ERC1: variants seen among roughly 807,000 people sequenced by gnomAD.
The protein encoded by ERC1 is ELKS/RAB6-interacting/CAST family member 1, also known as RAB6 interacting protein 2.
In ERC1, 56 loss-of-function variants were observed where a neutral mutation model predicts 132.0. The ratio of observed to expected loss-of-function variants is 0.42; its 90% CI spans 0.34 to 0.53. The LOEUF (loss-of-function observed/expected upper bound fraction) is 0.53. Among genes scored for constraint, ERC1 ranks in the 20% least tolerant of loss-of-function variants. The probability of loss-of-function intolerance (pLI) is 0.03; values close to 1 mark genes in which losing one functional copy is unlikely to be tolerated. For synonymous variants in ERC1, 478 were observed against 476.1 expected (o/e 1.00, Z -0.05); for missense variants, 1,202 against 1,349.9 (o/e 0.89, Z 1.72).
intron 13 of ERC1, among the ~76,000 whole-genome samples, chr12:1,259,679 C>T (rs1369054661): frequency 9.9e-5 from 15 of 151,956 alleles, no homozygotes; most frequent in Non-Finnish European, 2.1e-4. Context: ...CCCGCCACAA[C>T]GCCCAGCTAA....
In ERC1 at chr12:992,540, T is replaced by C. The variant is rs146399893; in HGVS notation, c.-157+1218T>C. Among the ~76,000 whole-genome samples, 742 of 152,070 alleles carry C rather than the reference T, an allele frequency of 4.9e-3. 10 individuals are homozygous for C. Among genetic ancestry groups the C allele is most frequent in the African/African-American group, 0.017 (696 of 41,506 alleles). On this transcript the variant is annotated intron_variant, in intron 1 of 18. Transcript: ENST00000360905. ...ACACTTTAAAATGAAATGGAACTCT[T>C]TTTTTTTGGTAGGCTCCTCAATTTC...
intron 18 of ERC1, among the ~76,000 whole-genome samples, chr12:1,476,561 A>C (rs1461432894): frequency 6.6e-6 from 1 of 152,236 alleles, no homozygotes; most frequent in East Asian, 1.9e-4. Flanking sequence ...TTCACTACAG[A>C]TGGGAAGAAC....
chr12:1,024,863 T>C (rs1262725629), intron 1 of ERC1, among the ~76,000 whole-genome samples: 2 of 112,366 alleles, frequency 1.8e-5, no homozygotes, highest in Non-Finnish European at 3.7e-5. Flanking sequence ...AAAAAGAAAA[T>C]ACTTGGGAAA....
At chr12:1,387,286 A>G (rs956720395) in intron 16 of ERC1, among the ~76,000 whole-genome samples, 83 of 152,124 alleles carry the variant, frequency 5.5e-4, no homozygotes, top group African/African-American at 2.0e-3. Context: ...GTGGGTTAAG[A>G]TTTTTGGGGA....
chr12:1,464,875 A>T (rs2093714312), intron 18 of ERC1, among the ~76,000 whole-genome samples: 1 of 151,982 alleles, frequency 6.6e-6, no homozygotes. Flanking sequence ...TGGACTCTTT[A>T]AAAAAGAGTC....
chr12:1,392,958 T>C (rs1165208937), intron 16 of ERC1, among the ~76,000 whole-genome samples: 3 of 152,224 alleles, frequency 2.0e-5, no homozygotes, highest in Non-Finnish European at 2.9e-5. Flanking sequence ...CAGATACATA[T>C]ATACAGAGAA....
chr12:1,406,740 G>C (rs1414467682), intron 16 of ERC1, among the ~76,000 whole-genome samples: 1 of 152,062 alleles, frequency 6.6e-6, no homozygotes, highest in Non-Finnish European at 1.5e-5. Flanking sequence ...GGGTGTGGTG[G>C]TGCCTACCTA....
intron 1 of ERC1, among the ~76,000 whole-genome samples, chr12:1,011,202 CTTT>C (rs1017510865): frequency 1.6e-4 from 24 of 152,058 alleles, no homozygotes; most frequent in African/African-American, 5.8e-4. Context: ...AACATTTTTC[CTTT>C]TTTTGTTTTT....
Position 1,040,665 on chromosome 12 carries a change from C to T in ERC1, c.669+12093C>T, listed in dbSNP as rs180787665. 6.2e-3 allele frequency among the ~76,000 whole-genome samples: 950 copies of T among 152,170 alleles called. 2 individuals carry two copies. Among genetic ancestry groups the T allele is most frequent in the Middle Eastern group, 0.024 (7 of 292 alleles). On this transcript the variant is annotated intron_variant, in intron 2 of 18. Transcript: ENST00000360905. ...GTTAGTCTTTAACGTAGATCTTTTC[C>T]TTTGATTTTTCCATATATTAACAAT...
rs571416157 is a variant in ERC1 at position 1,193,448 on chromosome 12, A to G, written c.2351+3396A>G. On this transcript the variant is annotated intron_variant, in intron 12 of 18. Coordinates refer to ENST00000360905, the MANE Select transcript of ERC1 (RefSeq NM_178040.4). ...TAGTAGGATACACACACACACACAC[A>G]CACACACATAGAGATAGATAAATAC... Among the ~76,000 whole-genome samples the G allele has an allele frequency of 7.2e-5, 11 of 152,194 alleles. No homozygotes were observed. In the East Asian group the frequency reaches 2.1e-3, roughly 29 times the overall value.
chr12:1,364,014 A>C (rs961960053), intron 15 of ERC1, among the ~76,000 whole-genome samples: 2 of 152,206 alleles, frequency 1.3e-5, no homozygotes, highest in Admixed American at 6.5e-5. Context: ...CCCAGCGTGC[A>C]CTGTTGGAAC....
At chr12:1,352,035 C>T (rs1284681866) in intron 15 of ERC1, among the ~76,000 whole-genome samples, 1 of 152,124 alleles carries the variant, frequency 6.6e-6, no homozygotes, top group East Asian at 1.9e-4. Context: ...ATTAGGCCTC[C>T]AGCTTTAACC....
Position 1,491,455 on chromosome 12 carries a change from G to T in ERC1, c.*1225G>T, listed in dbSNP as rs2094318021. On this transcript the variant is annotated 3_prime_UTR_variant, in exon 19 of 19. Transcript: ENST00000360905. ...GTGCAAGTCATCCATCCTTGAAAAG[G>T]CCACTTCTCAGTGAGGGAGAGATGT... is the stretch of plus-strand genomic sequence containing the variant. 1.3e-5 allele frequency: 3 copies of T among 230,346 alleles called. No individual in the cohort carries two copies. Among genetic ancestry groups the T allele is most frequent in the Non-Finnish European group, 2.6e-5 (3 of 116,336 alleles). 14.3% of individuals were successfully genotyped at this position (230,346 alleles called of 1,614,324 possible). A position where few individuals can be genotyped will look rare whatever the true frequency, so the allele number is the denominator to read the frequency against.
At chr12:1,115,112 G>A (rs1462004262) in intron 6 of ERC1, among the ~76,000 whole-genome samples, 1 of 152,102 alleles carries the variant, frequency 6.6e-6, no homozygotes, top group East Asian at 1.9e-4. Context: ...TTCCTTGTTA[G>A]GTGGTAGACA....
At chr12:1,461,359 C>G (rs1330971770) in intron 18 of ERC1, among the ~76,000 whole-genome samples, 1 of 152,110 alleles carries the variant, frequency 6.6e-6, no homozygotes, top group Non-Finnish European at 1.5e-5. Flanking sequence ...ATAAAGCCAA[C>G]GTTTTTGGCT....
chr12:1,296,298 G>A (rs185014132), intron 15 of ERC1, among the ~76,000 whole-genome samples: 34 of 151,486 alleles, frequency 2.2e-4, no homozygotes, highest in Admixed American at 7.2e-4. Context: ...AGCATACTCC[G>A]GCCTGGGCAA....
At chr12:1,414,764 AG>A (rs1332753279) in intron 17 of ERC1, among the ~76,000 whole-genome samples, 3 of 151,998 alleles carry the variant, frequency 2.0e-5, no homozygotes, top group Non-Finnish European at 4.4e-5. Flanking sequence ...CCATGAGGAC[AG>A]GGACTTTAAT....
intron 12 of ERC1, among the ~76,000 whole-genome samples, chr12:1,225,449 T>TAC (rs67132193): frequency 0.077 from 10,081 of 131,530 alleles, 369 homozygotes; most frequent in Non-Finnish European, 0.093. Context: ...GGCTGTCTCT[T>TAC]ACACACACAC....
At chr12:1,222,682 TA>T (rs926926954) in intron 12 of ERC1, among the ~76,000 whole-genome samples, 36 of 152,334 alleles carry the variant, frequency 2.4e-4, no homozygotes, top group African/African-American at 4.6e-4. Context: ...TGATTGATAA[TA>T]TTTTTTTTAA....
Sources: gnomAD v4.1 joint callset for allele counts (sites outside exome capture counted in the v4.1 genomes callset) on GRCh38, gnomAD v4.1.1 for gene constraint, MANE v1.5 for transcripts, NCBI Gene and HGNC (gene_info 2026-07-23, HGNC 2026-07-21) for gene names.